The following CFTR variants were observed in gnomAD, a reference collection of about 807,000 sequenced individuals.
CFTR encodes cystic fibrosis transmembrane conductance regulator.
In CFTR, 181 loss-of-function variants were observed where a neutral mutation model predicts 171.6. That is an observed-to-expected ratio of 1.05 (90% CI 0.93 to 1.19). The LOEUF (loss-of-function observed/expected upper bound fraction) is 1.19. Among genes scored for constraint, CFTR ranks in the 50% most tolerant of loss-of-function variants. The probability of loss-of-function intolerance (pLI) is 0.00; values close to 1 mark genes in which losing one functional copy is unlikely to be tolerated. For missense variants in CFTR, 1,968 were observed against 1,734.7 expected (o/e 1.13, Z -2.39); for synonymous variants, 583 against 608.0 (o/e 0.96, Z 0.60).
At position 117,592,189 on chromosome 7, in the gene CFTR, T is replaced by A. The variant is rs1259091056; in HGVS notation, c.2022T>A (p.Asp674Glu). Residue 674 changes from aspartate to glutamate, a missense_variant, in exon 14 of 27, where the codon GAT becomes GAA. Coordinates refer to ENST00000003084, the MANE Select transcript of CFTR (RefSeq NM_000492.4). ...ETLHRFSLEG[D>E]APVSWTETKK... ...TACACCGTTTCTCATTAGAAGGAGA[T>A]GCTCCTGTCTCCTGGACAGAAACAA... The A allele has an allele frequency of 3.7e-6, 6 of 1,613,818 alleles. No individual in the cohort carries two copies. In the African/African-American group the frequency reaches 8.0e-5, roughly 22 times the overall value.
chr7:117,614,701 T>A lies in CFTR; in HGVS notation c.3456T>A (p.Asp1152Glu), dbSNP rs1792458427. Residue 1152 changes from aspartate to glutamate, a missense_variant, in exon 21 of 27, where the codon GAT (aspartate) becomes GAA (glutamate). Physicochemically the swap from Asp to Glu is conservative, Grantham distance 45. Coordinates refer to ENST00000003084, the MANE Select transcript of CFTR (RefSeq NM_000492.4). The stretch of plus-strand genomic sequence containing the variant: ...AGTGGGCTGTAAACTCCAGCATAGA[T>A]GTGGATAGCTTGGTAAGTCTTATCA... ...TLQWAVNSSIDVDSLMRSVSR... is the reference protein window; with the variant it reads ...TLQWAVNSSIEVDSLMRSVSR... The A allele has an allele frequency of 6.2e-7, 1 of 1,609,460 alleles. No individual in the cohort carries two copies. The highest frequency in any genetic ancestry group is 8.5e-7 in the Non-Finnish European group (1 of 1,176,200).
At chr7:117,664,575 A>G in intron 24 of CFTR, 113 bp from the exon 25 acceptor site, 1 of 947,938 alleles carries the variant, frequency 1.1e-6, no homozygotes, top group Non-Finnish European at 1.7e-6. Flanking sequence ...GTGGGGGTAG[A>G]GGGATTGGTA....
intron 22 of CFTR, among the ~76,000 whole-genome samples, chr7:117,634,481 T>A (rs373640852): frequency 6.6e-6 from 1 of 152,102 alleles, no homozygotes. Context: ...TTCAATTTCA[T>A]GATTTTTAAA....
At position 117,571,611 on chromosome 7, in the gene CFTR, AGTTT is replaced by A. The variant is rs1228528261; in HGVS notation, c.1584+11965_1584+11968del. Among the ~76,000 whole-genome samples the A allele has an allele frequency of 4.6e-5, 7 of 152,164 alleles. No homozygotes were observed. In the East Asian group the frequency reaches 1.3e-3, roughly 29 times the overall value. On this transcript the variant is annotated intron_variant, in intron 11 of 26. Transcript: ENST00000003084. ...AGAGCCAGAATAAGAAAAATAAAAT[AGTTT>A]GTTTGTTTCAGGTATCTTTTCCAAT... is the stretch of plus-strand genomic sequence containing the variant.
At chr7:117,637,824 C>T (rs1028060663) in intron 22 of CFTR, among the ~76,000 whole-genome samples, 61 of 152,160 alleles carry the variant, frequency 4.0e-4, no homozygotes, top group African/African-American at 1.4e-3. Context: ...TTACAGTGAC[C>T]CAAGATTGTG....
intron 11 of CFTR, among the ~76,000 whole-genome samples, chr7:117,565,455 G>A (rs1291017483): frequency 6.6e-6 from 1 of 152,100 alleles, no homozygotes; most frequent in Non-Finnish European, 1.5e-5. Flanking sequence ...TGAGTAATTG[G>A]ACTGTCTTTA....
intron 6 of CFTR, 114 bp from the exon 7 acceptor site, chr7:117,536,434 T>C: frequency 9.8e-7 from 1 of 1,024,946 alleles, no homozygotes; most frequent in Non-Finnish European, 1.5e-6. Flanking sequence ...AATAAAATAA[T>C]GCCCATCTGT....
chr7:117,608,215 T>C (rs530894609), intron 18 of CFTR, among the ~76,000 whole-genome samples: 1 of 152,328 alleles, frequency 6.6e-6, no homozygotes, highest in South Asian at 2.1e-4. Context: ...CAATTTTTTT[T>C]TTTAATTGGG....
At chr7:117,596,413 C>A (rs1367158870) in intron 15 of CFTR, among the ~76,000 whole-genome samples, 1 of 152,218 alleles carries the variant, frequency 6.6e-6, no homozygotes, top group Non-Finnish European at 1.5e-5. Flanking sequence ...TGGGCTCCTG[C>A]GTGGCCCAAG....
chr7:117,589,874 A>AT (rs1427885071), intron 12 of CFTR, among the ~76,000 whole-genome samples: 15 of 152,118 alleles, frequency 9.9e-5, no homozygotes, highest in African/African-American at 3.6e-4. Flanking sequence ...GGAATAGTTT[A>AT]TTTTCTTTTT....
intron 24 of CFTR, among the ~76,000 whole-genome samples, chr7:117,655,222 A>T (rs1225928121): frequency 1.3e-5 from 2 of 152,230 alleles, no homozygotes; most frequent in African/African-American, 4.8e-5. Flanking sequence ...GTCATTTCTC[A>T]TCTTGAATTT....
intron 15 of CFTR, among the ~76,000 whole-genome samples, chr7:117,596,012 C>G (rs1021686102): frequency 3.3e-5 from 5 of 152,264 alleles, no homozygotes; most frequent in Non-Finnish European, 5.9e-5. Flanking sequence ...CTCGCTCACT[C>G]TCAGGGCCTC....
At chr7:117,544,763 C>T (rs1001147737) in intron 9 of CFTR, among the ~76,000 whole-genome samples, 7 of 152,240 alleles carry the variant, frequency 4.6e-5, no homozygotes, top group African/African-American at 1.7e-4. Context: ...ACTCTTCTTC[C>T]CTTTGCTGTC....
At chr7:117,483,299 C>A (rs1798026316) in intron 1 of CFTR, among the ~76,000 whole-genome samples, 1 of 151,986 alleles carries the variant, frequency 6.6e-6, no homozygotes, top group African/African-American at 2.4e-5. Context: ...ACATAAATTT[C>A]TTCTCATAAG....
chr7:117,656,199 T>G (rs1793181223), intron 24 of CFTR, among the ~76,000 whole-genome samples: 1 of 152,168 alleles, frequency 6.6e-6, no homozygotes, highest in African/African-American at 2.4e-5. Flanking sequence ...TCTCCACACC[T>G]TCTCATCTAC....
intron 11 of CFTR, among the ~76,000 whole-genome samples, chr7:117,567,072 A>G (rs1317500081): frequency 6.6e-6 from 1 of 152,244 alleles, no homozygotes; most frequent in Non-Finnish European, 1.5e-5. Flanking sequence ...CACTTAAGCC[A>G]TGTTTTCATA....
At chr7:117,501,887 G>T (rs542302525) in intron 1 of CFTR, among the ~76,000 whole-genome samples, 1 of 146,196 alleles carries the variant, frequency 6.8e-6, no homozygotes, top group Non-Finnish European at 1.5e-5. Context: ...TGCCTTCATT[G>T]TATTTGAAAG....
At chr7:117,486,014 GGTCAAA>G (rs1213384601) in intron 1 of CFTR, among the ~76,000 whole-genome samples, 5 of 152,092 alleles carry the variant, frequency 3.3e-5, no homozygotes, top group Non-Finnish European at 5.9e-5. Flanking sequence ...GATAAAAAGG[GGTCAAA>G]GCAAGTGGGA....
intron 6 of CFTR, among the ~76,000 whole-genome samples, chr7:117,535,780 C>A (rs989572608): frequency 5.3e-5 from 8 of 152,064 alleles, no homozygotes; most frequent in African/African-American, 1.9e-4. Flanking sequence ...GTGATCCGCC[C>A]ACCTCGGCCT....
Sources: gnomAD v4.1 joint callset for allele counts (sites outside exome capture counted in the v4.1 genomes callset) on GRCh38, gnomAD v4.1.1 for gene constraint, MANE v1.5 for transcripts, NCBI Gene and HGNC (gene_info 2026-07-23, HGNC 2026-07-21) for gene names.